Variants in CXADR observed in about 807,000 individuals in gnomAD.
The protein encoded by CXADR is CXADR cell adhesion molecule.
CXADR carries 20 observed loss-of-function variants against 40.3 expected under a neutral mutation model. The ratio of observed to expected loss-of-function variants is 0.50; its 90% confidence interval spans 0.35 to 0.72. The LOEUF (loss-of-function observed/expected upper bound fraction) is 0.72, where lower values mean the gene tolerates loss of function less well. Among genes scored for constraint, CXADR ranks in the 30% least tolerant of loss-of-function variants. CXADR has a pLI of 0.01. For synonymous variants in CXADR, 150 were observed against 161.3 expected (o/e 0.93, Z 0.53); for missense variants, 332 against 449.1 (o/e 0.74, Z 2.36).
intron 1 of CXADR, among the ~76,000 whole-genome samples, chr21:17,515,827 A>C (rs1234085264): frequency 6.6e-6 from 1 of 152,192 alleles, no homozygotes; most frequent in Non-Finnish European, 1.5e-5. Flanking sequence ...AACAAAAAAA[A>C]AGGCATTGTT....
intron 1 of CXADR, among the ~76,000 whole-genome samples, chr21:17,544,778 T>C (rs1031567493): frequency 6.6e-6 from 1 of 152,076 alleles, no homozygotes; most frequent in Non-Finnish European, 1.5e-5. Flanking sequence ...ATTTCAGGAG[T>C]GCATTTACAT....
the CXADR span, among the ~76,000 whole-genome samples, chr21:17,608,312 G>T: frequency 1.3e-5 from 2 of 151,892 alleles, no homozygotes; most frequent in Non-Finnish European, 2.9e-5. Flanking sequence ...GTTTGAGGCT[G>T]CAGTGAGCTA....
At chr21:17,629,396 A>T in the CXADR span, among the ~76,000 whole-genome samples, 1 of 151,118 alleles carries the variant, frequency 6.6e-6, no homozygotes, top group Non-Finnish European at 1.5e-5. Flanking sequence ...TCAAAAAAAA[A>T]AAAAAAAAAA....
intron 1 of CXADR, among the ~76,000 whole-genome samples, chr21:17,521,074 A>G (rs1017145879): frequency 4.6e-5 from 7 of 152,146 alleles, no homozygotes; most frequent in Non-Finnish European, 1.0e-4. Context: ...GAGGAAATGC[A>G]GGTAGGACTA....
the CXADR span, among the ~76,000 whole-genome samples, chr21:17,620,879 T>A: frequency 6.6e-6 from 1 of 152,188 alleles, no homozygotes; most frequent in Admixed American, 6.5e-5. Flanking sequence ...CTGTGGGAGC[T>A]AGCAAGTTCG....
chr21:17,536,358 C>T (rs976574815), intron 1 of CXADR, among the ~76,000 whole-genome samples: 5 of 152,174 alleles, frequency 3.3e-5, no homozygotes, highest in Non-Finnish European at 7.3e-5. Flanking sequence ...TGACCAGGCT[C>T]GCTCAATTCC....
the CXADR span, chr21:17,604,763 T>G: frequency 7.2e-7 from 1 of 1,397,930 alleles, no homozygotes; most frequent in Non-Finnish European, 9.5e-7. Context: ...CACCAGCTCC[T>G]GGCCATAAAG....
intron 1 of CXADR, among the ~76,000 whole-genome samples, chr21:17,538,750 T>G (rs748958657): frequency 1.3e-5 from 2 of 152,128 alleles, no homozygotes; most frequent in African/African-American, 2.4e-5. Flanking sequence ...CCCAGGGGTT[T>G]GAGGCCACAG....
In CXADR at chr21:17,534,100, ATTTTTTTT is replaced by A. The variant is rs1157117899; in HGVS notation, c.44-12909_44-12902del. Among the ~76,000 whole-genome samples the A allele has an allele frequency of 5.2e-3, 314 of 60,030 alleles. 3 individuals are homozygous for A. The highest frequency in any genetic ancestry group is 0.027 in the African/African-American group (299 of 11,192). 39.4% of individuals were successfully genotyped at this position (60,030 alleles called of 152,430 possible). On this transcript the variant is annotated intron_variant, in intron 1 of 6. Transcript: ENST00000284878. ...CACACACATATATATATATATATATATTTTTTTTTTTTTTTTTTTTTTTTTGAGATGGA... is the reference window on the plus strand; with the variant it reads ...CACACACATATATATATATATATATATTTTTTTTTTTTTTTTTGAGATGGA...
At chr21:17,516,132 A>C (rs1244906817) in intron 1 of CXADR, among the ~76,000 whole-genome samples, 1 of 152,200 alleles carries the variant, frequency 6.6e-6, no homozygotes, top group Admixed American at 6.5e-5. Flanking sequence ...AGGGCTTTAC[A>C]TACCTATATA....
In CXADR at chr21:17,568,656, G is replaced by T. The variant is rs2061246450; in HGVS notation, c.*2964G>T. The T allele has an allele frequency of 8.1e-6, 8 of 983,386 alleles. No individual in the cohort carries two copies. Among genetic ancestry groups the T allele is most frequent in the Middle Eastern group, 5.2e-4 (1 of 1,912 alleles). 60.9% of individuals were successfully genotyped at this position (983,386 alleles called of 1,614,324 possible). A position where few individuals can be genotyped will look rare whatever the true frequency, so the allele number is the denominator to read the frequency against. ...TCCTCCTGCCTTGGCCTCCCAAATTGCTGGGATTACAGGTGTGAGCCGCAG... is the reference window on the plus strand; with the variant it reads ...TCCTCCTGCCTTGGCCTCCCAAATTTCTGGGATTACAGGTGTGAGCCGCAG... On this transcript the variant is annotated 3_prime_UTR_variant, in exon 7 of 7. Coordinates refer to ENST00000284878, the MANE Select transcript of CXADR (RefSeq NM_001338.5).
intron 7 of CXADR, among the ~76,000 whole-genome samples, chr21:17,583,096 G>T (rs376485319): frequency 6.6e-6 from 1 of 152,292 alleles, no homozygotes; most frequent in African/African-American, 2.4e-5. Context: ...ATCTGACAAG[G>T]AGGGGACATT....
rs1296784794 is a variant in CXADR at position 17,568,652 on chromosome 21, A to G, written c.*2960A>G. On this transcript the variant is annotated 3_prime_UTR_variant, in exon 7 of 7. Transcript: ENST00000284878. ...GAGATCCTCCTGCCTTGGCCTCCCA[A>G]ATTGCTGGGATTACAGGTGTGAGCC... 2 of 984,934 alleles carry G rather than the reference A, an allele frequency of 2.0e-6. No homozygotes were observed. The highest frequency in any genetic ancestry group is 2.4e-6 in the Non-Finnish European group (2 of 829,906). The allele number at this position is 984,934 out of a possible 1,614,324, so 61.0% of individuals were successfully genotyped here.
chr21:17,614,066 A>G, the CXADR span: 1 of 149,772 alleles, frequency 6.7e-6, no homozygotes, highest in African/African-American at 2.5e-5. Flanking sequence ...AGTAATAAAT[A>G]TACCATCCCC....
chr21:17,574,658 G>A (rs928639693), downstream of CXADR, among the ~76,000 whole-genome samples: 1 of 152,132 alleles, frequency 6.6e-6, no homozygotes, highest in African/African-American at 2.4e-5. Flanking sequence ...TAAGCCTTAA[G>A]GCAGATTTTA....
At chr21:17,610,972 TGGAG>T in the CXADR span, among the ~76,000 whole-genome samples, 1 of 152,142 alleles carries the variant, frequency 6.6e-6, no homozygotes, top group Non-Finnish European at 1.5e-5. Context: ...GATAGCCTGA[TGGAG>T]GGGAAGGCAC....
chr21:17,514,325 A>C (rs189304593), intron 1 of CXADR, among the ~76,000 whole-genome samples: 46 of 152,100 alleles, frequency 3.0e-4, no homozygotes, highest in Non-Finnish European at 5.6e-4. Context: ...AGCATTACTC[A>C]TGGGATCAAC....
Position 17,547,115 on chromosome 21 carries a change from G to T in CXADR, c.132G>T (p.Thr44=), listed in dbSNP as rs751215181. The change falls in exon 2 of 7, where the codon ACG becomes ACT. Residue 44 remains threonine (T), a synonymous_variant. Coordinates refer to ENST00000284878, the MANE Select transcript of CXADR (RefSeq NM_001338.5). ...GETAYLPCKF[T]LSPEDQGPLD... ...CTGCCTATCTGCCATGCAAATTTAC[G>T]CTTAGTCCCGAAGACCAGGGACCGC... 4.3e-6 allele frequency: 7 copies of T among 1,614,110 alleles called. No individual in the cohort carries two copies. The Admixed American group carries it at 8.3e-5, about 19-fold the overall frequency.
chr21:17,522,666 G>C (rs1286691261), intron 1 of CXADR, among the ~76,000 whole-genome samples: 1 of 152,088 alleles, frequency 6.6e-6, no homozygotes, highest in Non-Finnish European at 1.5e-5. Flanking sequence ...AGCACAAATA[G>C]CTCTATTGAA....
Sources: gnomAD v4.1 joint callset for allele counts (sites outside exome capture counted in the v4.1 genomes callset) on GRCh38, gnomAD v4.1.1 for gene constraint, MANE v1.5 for transcripts, NCBI Gene and HGNC (gene_info 2026-07-23, HGNC 2026-07-21) for gene names.